The following SLC35B2 variants were observed in gnomAD, a reference collection of about 807,000 sequenced individuals.
The protein encoded by SLC35B2 is solute carrier family 35 member B2.
SLC35B2 carries 19 observed loss-of-function variants against 37.9 expected under a neutral mutation model. The observed-to-expected ratio is 0.50, with a 90% confidence interval of 0.35 to 0.74. The LOEUF (loss-of-function observed/expected upper bound fraction) is 0.74, where lower values mean the gene tolerates loss of function less well. SLC35B2 is among the 30% of genes least tolerant of loss of function. The pLI is 0.01. For missense variants in SLC35B2, 633 were observed against 547.6 expected, an observed-to-expected ratio of 1.16 and a Z score of -1.56; for synonymous variants, 277 against 225.2, an observed-to-expected ratio of 1.23 and a Z score of -2.06.
rs1781156549 is a variant in SLC35B2 at position 44,254,551 on chromosome 6, C to T, written c.*155G>A. ...TGACTTAAGGCAAAAGGGAAGGCTG[C>T]CTCCTGGGCTCCCCAATCCCCTGCT... On this transcript the variant is annotated 3_prime_UTR_variant, in exon 4 of 4. Transcript: ENST00000393812. 2 of 843,896 alleles carry T rather than the reference C, an allele frequency of 2.4e-6. No individual in the cohort carries two copies. Among genetic ancestry groups the T allele is most frequent in the Non-Finnish European group, 3.6e-6 (2 of 554,416 alleles). The allele number at this position is 843,896 out of a possible 1,614,324, so 52.3% of individuals were successfully genotyped here. A position where few individuals can be genotyped will look rare whatever the true frequency, so the allele number is the denominator to read the frequency against.
In SLC35B2 at chr6:44,256,722, C is replaced by A; in HGVS notation, c.168G>T (p.Leu56=). ...YASFMVPGYL[L]VQYFRRKNYL... ...AGTTCTTCCGCCTGAAGTACTGCAC[C>A]AGGAGGTAGCCAGGTACCATAAAGC... Residue 56 remains leucine, a synonymous_variant, in exon 2 of 4, where the codon CTG becomes CTT. Coordinates refer to ENST00000393812, the MANE Select transcript of SLC35B2 (RefSeq NM_178148.4). 1 of 1,614,186 alleles carries A rather than the reference C, an allele frequency of 6.2e-7. No individual in the cohort carries two copies. The highest frequency in any genetic ancestry group is 8.5e-7 in the Non-Finnish European group (1 of 1,180,026).
chr6:44,256,215 G>T, intron 3 of SLC35B2, 127 bp downstream of exon 3: 2 of 1,206,062 alleles, frequency 1.7e-6, no homozygotes, highest in Non-Finnish European at 2.3e-6. Context: ...GGTGCAGTGT[G>T]CCCCTGGGAG....
chr6:44,254,537 A>C lies in SLC35B2; in HGVS notation c.*169T>G, dbSNP rs1011040801. ...TACTGGAAGATGGGTGACTTAAGGCAAAAGGGAAGGCTGCCTCCTGGGCTC... is the reference window on the plus strand; with the variant it reads ...TACTGGAAGATGGGTGACTTAAGGCCAAAGGGAAGGCTGCCTCCTGGGCTC... On this transcript the variant is annotated 3_prime_UTR_variant, in exon 4 of 4. Transcript: ENST00000393812. 1.3e-6 allele frequency: 1 copy of C among 754,238 alleles called. No individual in the cohort carries two copies. Among genetic ancestry groups the C allele is most frequent in the African/African-American group, 1.8e-5 (1 of 56,754 alleles). The allele number at this position is 754,238 out of a possible 1,614,324, so 46.7% of individuals were successfully genotyped here. A position where few individuals can be genotyped will look rare whatever the true frequency, so the allele number is the denominator to read the frequency against.
chr6:44,255,683 G>A, intron 3 of SLC35B2, 39 bp from the exon 4 acceptor site: 7 of 1,558,358 alleles, frequency 4.5e-6, no homozygotes, highest in Non-Finnish European at 5.2e-6. Context: ...CAATAAGCAA[G>A]ATAATGAAAA....
chr6:44,257,372 G>A (rs1781679011), intron 1 of SLC35B2, 28 bp downstream of exon 1: 2 of 1,321,868 alleles, frequency 1.5e-6, no homozygotes, highest in Non-Finnish European at 1.9e-6. Context: ...GCTCGGTCAC[G>A]TGAGCTCGCT....
At position 44,257,418 on chromosome 6, in the gene SLC35B2, G is replaced by A. The variant is rs1337600642; in HGVS notation, c.-8C>T. 2.4e-6 allele frequency: 3 copies of A among 1,263,826 alleles called. No individual in the cohort carries two copies. In the African/African-American group the frequency reaches 4.6e-5, roughly 19 times the overall value. 78.3% of individuals were successfully genotyped at this position (1,263,826 alleles called of 1,614,324 possible). A position where few individuals can be genotyped will look rare whatever the true frequency, so the allele number is the denominator to read the frequency against. On this transcript the variant is annotated 5_prime_UTR_variant, in exon 1 of 4. Transcript: ENST00000393812. Reference sequence around the variant, plus strand: ...CCCCCACCTGGCGTCCATGGTCCAGGCCGCGTGGGGTGGAGGGGGAACCGG... The same window carrying A: ...CCCCCACCTGGCGTCCATGGTCCAGACCGCGTGGGGTGGAGGGGGAACCGG...
intron 3 of SLC35B2, 25 bp from the exon 4 acceptor site, chr6:44,255,669 G>A (rs746712997): frequency 1.1e-5 from 17 of 1,588,438 alleles, no homozygotes; most frequent in African/African-American, 1.3e-5. Context: ...AGAGACAAAG[G>A]AGACAATAAG....
chr6:44,255,216 G>A lies in SLC35B2; in HGVS notation c.789C>T (p.Ser263=). 6.2e-7 allele frequency: 1 copy of A among 1,614,268 alleles called. No individual in the cohort carries two copies. The part of the protein sequence containing the change: ...FLLSSGPEPR[S]SPATTLSGLI... ...GGCCTGAGAGTGTGGTGGCTGGGGA[G>A]CTGCGGGGCTCTGGTCCGCTGGATA... Residue 263 remains serine (S), a synonymous_variant, in exon 4 of 4, where the codon AGC becomes AGT. Transcript: ENST00000393812.
At chr6:44,257,192 C>T in intron 1 of SLC35B2, 1 of 528,470 alleles carries the variant, frequency 1.9e-6, no homozygotes, top group Non-Finnish European at 3.0e-6. Context: ...CTCCACGATC[C>T]GGGACGTCAG....
Position 44,255,367 on chromosome 6 carries a change from A to C in SLC35B2, c.638T>G (p.Val213Gly). 1 of 1,614,250 alleles carries C rather than the reference A, an allele frequency of 6.2e-7. No homozygotes were observed. The highest frequency in any genetic ancestry group is 8.5e-7 in the Non-Finnish European group (1 of 1,180,046). The change falls in exon 4 of 4, where the codon GTG (valine) becomes GGG (glycine). Residue 213 changes from valine (V) to glycine (G), a missense_variant. By Grantham distance (109) the Val-to-Gly change is moderately radical. Coordinates refer to ENST00000393812, the MANE Select transcript of SLC35B2 (RefSeq NM_178148.4). ...GATCACCTTAGAGGCCTTGGCCAGC[A>C]CCTGGGTGGGGAAGCTGACGAACTT... ...ALKFVSFPTQ[V>G]LAKASKVIPV... is the part of the protein sequence containing the mutation.
chr6:44,257,564 T>C (rs1292822150), upstream of SLC35B2: 10 of 668,624 alleles, frequency 1.5e-5, no homozygotes, highest in Admixed American at 1.5e-4. Context: ...CGCGGCCCCC[T>C]CCGCCCCTGC....
At position 44,254,625 on chromosome 6, in the gene SLC35B2, A is replaced by T; in HGVS notation, c.*81T>A. 6.8e-7 allele frequency: 1 copy of T among 1,473,188 alleles called. No homozygotes were observed. Among genetic ancestry groups the T allele is most frequent in the South Asian group, 1.3e-5 (1 of 75,544 alleles). 91.3% of individuals were successfully genotyped at this position (1,473,188 alleles called of 1,614,324 possible). ...GAAAACACCTGCATTTTGCCCTTTCAGCCAGCTCCCTCAGAGGTTACAGCA... is the reference window on the plus strand; with the variant it reads ...GAAAACACCTGCATTTTGCCCTTTCTGCCAGCTCCCTCAGAGGTTACAGCA... On this transcript the variant is annotated 3_prime_UTR_variant, in exon 4 of 4. Coordinates refer to ENST00000393812, the MANE Select transcript of SLC35B2 (RefSeq NM_178148.4).
chr6:44,257,037 G>A (rs576286916), intron 1 of SLC35B2, 159 bp from the exon 2 acceptor site: 3 of 842,996 alleles, frequency 3.6e-6, no homozygotes, highest in African/African-American at 3.5e-5. Flanking sequence ...CTCTCTCGGG[G>A]AGGGGGTGCG....
rs950889329 is a variant in SLC35B2, at chr6:44,255,549, C to T, written c.456G>A (p.Ser152=). 5.0e-6 allele frequency: 8 copies of T among 1,614,218 alleles called. No individual in the cohort carries two copies. The highest frequency in any genetic ancestry group is 5.1e-6 in the Non-Finnish European group (6 of 1,180,044). Residue 152 remains serine, a synonymous_variant, in exon 4 of 4, where the codon TCG becomes TCA. Transcript: ENST00000393812. ...ATSPGERFTD[S]QFLVLMNRVL... is the part of the protein sequence containing the mutation. ...CTCGGTTCATTAGCACCAGGAACTG[C>T]GAGTCCGTAAAGCGCTCACCCGGTG...
upstream of SLC35B2, chr6:44,257,533 C>CG: frequency 1.0e-6 from 1 of 957,236 alleles, no homozygotes; most frequent in Non-Finnish European, 1.3e-6. Context: ...GGAAGTGCCG[C>CG]GCTCTTCCCG....
rs759321564 is a variant in SLC35B2, at chr6:44,257,419, C to A, written c.-9G>T. The A allele has an allele frequency of 7.9e-7, 1 of 1,263,906 alleles. No individual in the cohort carries two copies. The highest frequency in any genetic ancestry group is 1.0e-6 in the Non-Finnish European group (1 of 997,224). 78.3% of individuals were successfully genotyped at this position (1,263,906 alleles called of 1,614,324 possible). ...CCCCACCTGGCGTCCATGGTCCAGG[C>A]CGCGTGGGGTGGAGGGGGAACCGGG... On this transcript the variant is annotated 5_prime_UTR_variant, in exon 1 of 4. Coordinates refer to ENST00000393812, the MANE Select transcript of SLC35B2 (RefSeq NM_178148.4).
In SLC35B2 at chr6:44,256,401, C is replaced by T; in HGVS notation, c.301G>A (p.Ala101Thr). The change falls in exon 3 of 4, where the codon GCA (alanine) becomes ACA (threonine). Residue 101 changes from alanine (A) to threonine (T), a missense_variant. By Grantham distance (58) the Ala-to-Thr change is moderately conservative (BLOSUM62 0). Transcript: ENST00000393812. ...GCCTGCCACATCGGGGTGGTCTCTG[C>T]CGCCTCTGTTCGGGGCGCCAGGGGA... ...EVPLAPRTEA[A>T]ETTPMWQALK... 6.2e-7 allele frequency: 1 copy of T among 1,614,224 alleles called. No homozygotes were observed. The highest frequency in any genetic ancestry group is 8.5e-7 in the Non-Finnish European group (1 of 1,180,038).
rs1205443331 is a variant in SLC35B2 at position 44,254,523 on chromosome 6, G to A, written c.*183C>T. 1.5e-6 allele frequency: 1 copy of A among 653,772 alleles called. No homozygotes were observed. The highest frequency in any genetic ancestry group is 3.1e-5 in the Admixed American group (1 of 32,702). The allele number at this position is 653,772 out of a possible 1,614,324, so 40.5% of individuals were successfully genotyped here. On this transcript the variant is annotated 3_prime_UTR_variant, in exon 4 of 4. Transcript: ENST00000393812. ...CAGAATAAACTGCTTACTGGAAGAT[G>A]GGTGACTTAAGGCAAAAGGGAAGGC...
chr6:44,254,349 T>C lies in SLC35B2; in HGVS notation c.*357A>G, dbSNP rs1781127584. The C allele has an allele frequency of 8.1e-6, 2 of 245,704 alleles. No homozygotes were observed. Among genetic ancestry groups the C allele is most frequent in the African/African-American group, 2.3e-5 (1 of 44,152 alleles). The allele number at this position is 245,704 out of a possible 1,614,324, so 15.2% of individuals were successfully genotyped here. A position where few individuals can be genotyped will look rare whatever the true frequency, so the allele number is the denominator to read the frequency against. On this transcript the variant is annotated 3_prime_UTR_variant, in exon 4 of 4. Transcript: ENST00000393812. The stretch of plus-strand genomic sequence containing the variant: ...CACCAGGGTAAGAAATGCAGGTATT[T>C]GCAGAGGGGAGTGAGTCTGGAAGGT...
Sources: allele counts gnomAD v4.1 joint callset, GRCh38; gene constraint gnomAD v4.1.1; transcripts MANE v1.5; gene names NCBI Gene and HGNC (gene_info 2026-07-23, HGNC 2026-07-21).